PHF2: variants seen among roughly 807,000 people sequenced by gnomAD.
PHF2 encodes the protein PHD finger protein 2, also known as lysine-specific demethylase PHF2.
PHF2 carries 27 observed loss-of-function variants against 120.5 expected under a neutral mutation model. The observed-to-expected ratio is 0.22, with a 90% CI of 0.17 to 0.31. PHF2 has a LOEUF of 0.31. Ranked by LOEUF, PHF2 falls within the 10% of genes least tolerant of loss-of-function variation. The probability of loss-of-function intolerance (pLI) is 1.00; values close to 1 mark genes in which losing one functional copy is unlikely to be tolerated. For missense variants in PHF2, 1,024 were observed against 1,434.8 expected, an observed-to-expected ratio of 0.71 and a Z score of 4.63; for synonymous variants, 568 against 592.5, an observed-to-expected ratio of 0.96 and a Z score of 0.60.
intron 1 of PHF2, among the ~76,000 whole-genome samples, chr9:93,597,780 G>T (rs1158683913): frequency 1.3e-5 from 2 of 152,298 alleles, no homozygotes; most frequent in Middle Eastern, 3.4e-3. Flanking sequence ...ACATTTGTGG[G>T]TTCTTCCAGC....
At chr9:93,633,362 T>TC (rs1826032213) in intron 2 of PHF2, among the ~76,000 whole-genome samples, 1 of 152,186 alleles carries the variant, frequency 6.6e-6, no homozygotes, top group Non-Finnish European at 1.5e-5. Context: ...CGGGAAGGCA[T>TC]CCCCATCTGA....
intron 20 of PHF2, 46 bp from the exon 21 acceptor site, chr9:93,676,548 C>T (rs1291817723): frequency 1.9e-6 from 3 of 1,552,550 alleles, no homozygotes; most frequent in East Asian, 2.3e-5. Flanking sequence ...TCTGTTGGCC[C>T]AAGTGGGCTG....
chr9:93,650,928 A>T (rs1197123455), intron 5 of PHF2, among the ~76,000 whole-genome samples: 1 of 152,148 alleles, frequency 6.6e-6, no homozygotes, highest in South Asian at 2.1e-4. Context: ...AAACCAAGAA[A>T]GAGAATACAA....
intron 1 of PHF2, among the ~76,000 whole-genome samples, chr9:93,585,899 GC>G (rs1472133711): frequency 6.6e-6 from 1 of 152,212 alleles, no homozygotes; most frequent in Non-Finnish European, 1.5e-5. Flanking sequence ...TGGTGGGAAG[GC>G]AGCGTCAAGT....
chr9:93,576,777 G>A lies in PHF2; in HGVS notation c.4G>A (p.Ala2Thr). ...AGCGGCGGCGCGGCGCGGCAACATGGCGACGGTGCCCGTGTACTGCGTCTG... is the reference window on the plus strand; with the variant it reads ...AGCGGCGGCGCGGCGCGGCAACATGACGACGGTGCCCGTGTACTGCGTCTG... M[A>T]TVPVYCVCRL... Residue 2 changes from alanine (A) to threonine (T), a missense_variant, in exon 1 of 22, where the codon GCG becomes ACG. By Grantham distance (58) the Ala-to-Thr change is moderately conservative. This residue lies in a region of PHF2 where 347 missense variants were observed against 577.4 expected (regional missense o/e 0.60). Coordinates refer to ENST00000359246, the MANE Select transcript of PHF2 (RefSeq NM_005392.4). 1 of 1,254,476 alleles carries A rather than the reference G, an allele frequency of 8.0e-7. No individual in the cohort carries two copies. The highest frequency in any genetic ancestry group is 1.3e-5 in the South Asian group (1 of 77,088). 77.7% of individuals were successfully genotyped at this position (1,254,476 alleles called of 1,614,324 possible). A position where few individuals can be genotyped will look rare whatever the true frequency, so the allele number is the denominator to read the frequency against.
chr9:93,640,388 C>T (rs1322314441), intron 3 of PHF2, among the ~76,000 whole-genome samples: 2 of 152,152 alleles, frequency 1.3e-5, no homozygotes, highest in Admixed American at 1.3e-4. Flanking sequence ...CCCCCACCCA[C>T]ATGCTTCTTT....
chr9:93,593,089 A>C (rs1489418870), intron 1 of PHF2, among the ~76,000 whole-genome samples: 1 of 42,442 alleles, frequency 2.4e-5, no homozygotes, highest in African/African-American at 5.5e-5. Context: ...TATGCCAAAA[A>C]AAAAAAAAAA....
intron 1 of PHF2, among the ~76,000 whole-genome samples, chr9:93,588,892 A>G (rs932271815): frequency 7.9e-5 from 12 of 152,200 alleles, no homozygotes; most frequent in African/African-American, 2.9e-4. Flanking sequence ...CTCTGTCTCA[A>G]AAACAAACAA....
chr9:93,663,114 A>T (rs1252141742), intron 13 of PHF2, 88 bp downstream of exon 13: 3 of 1,551,308 alleles, frequency 1.9e-6, no homozygotes, highest in African/African-American at 1.4e-5. Flanking sequence ...TGTGTGTGTG[A>T]AGGAATGTGC....
intron 1 of PHF2, among the ~76,000 whole-genome samples, chr9:93,601,193 C>T (rs773109992): frequency 6.6e-6 from 1 of 152,210 alleles, no homozygotes; most frequent in African/African-American, 2.4e-5. Flanking sequence ...TTTGCATTCC[C>T]ATCTACTGAA....
chr9:93,672,644 G>T (rs1826827233), intron 17 of PHF2: 1 of 984,572 alleles, frequency 1.0e-6, no homozygotes, highest in Non-Finnish European at 1.2e-6. Context: ...AGGTGCGGGG[G>T]TGGAGGTAGG....
At chr9:93,593,032 T>C (rs551124588) in intron 1 of PHF2, among the ~76,000 whole-genome samples, 1 of 144,024 alleles carries the variant, frequency 6.9e-6, no homozygotes, top group East Asian at 2.0e-4. Flanking sequence ...CAAGCTGCTT[T>C]TGCCCATCCA....
rs377099174 is a variant in PHF2, at chr9:93,658,766, C to CA, written c.1239+531dup. On this transcript the variant is annotated intron_variant, in intron 10 of 21. Coordinates refer to ENST00000359246, the MANE Select transcript of PHF2 (RefSeq NM_005392.4). ...AAGCTAAGCTGCCTGATTGCAGGTG[C>CA]AGCACCCCAGCCACCTTGCTCTGTG... 4.0e-3 allele frequency among the ~76,000 whole-genome samples: 614 copies of CA among 152,260 alleles called. 6 individuals carry two copies. Among genetic ancestry groups the CA allele is most frequent in the African/African-American group, 0.014 (575 of 41,556 alleles).
Position 93,675,028 on chromosome 9 carries a change from G to A in PHF2, c.2722+6G>A, listed in dbSNP as rs768699788. The A allele has an allele frequency of 6.2e-7, 1 of 1,610,438 alleles. No individual in the cohort carries two copies. The highest frequency in any genetic ancestry group is 8.5e-7 in the Non-Finnish European group (1 of 1,177,340). ...CGCTCCCTACAGCCCAACAGGTAGT[G>A]CTGGGACAGGGGTAGGGGGTCCACC... On this transcript the variant is annotated splice_donor_region_variant and intron_variant, in intron 19 of 21. Transcript: ENST00000359246.
Position 93,659,463 on chromosome 9 carries a change from G to T in PHF2, c.1240-48G>T. ...CTGCAAGAATGCAGGGGTAAGTCAG[G>T]ACCACGGGAGGTGTCTGGTGCTGAC... On this transcript the variant is annotated intron_variant, in intron 10 of 21. Coordinates refer to ENST00000359246, the MANE Select transcript of PHF2 (RefSeq NM_005392.4). 3 of 1,502,834 alleles carry T rather than the reference G, an allele frequency of 2.0e-6. No homozygotes were observed. The South Asian group carries it at 3.4e-5, about 17-fold the overall frequency. The allele number at this position is 1,502,834 out of a possible 1,614,324, so 93.1% of individuals were successfully genotyped here.
At chr9:93,673,193 G>T (rs1029625201) in intron 17 of PHF2, among the ~76,000 whole-genome samples, 14 of 151,906 alleles carry the variant, frequency 9.2e-5, no homozygotes, top group African/African-American at 3.4e-4. Context: ...GGACCGAGGG[G>T]GTACACAGAG....
chr9:93,617,298 G>A (rs989679022), intron 1 of PHF2, among the ~76,000 whole-genome samples: 5 of 152,208 alleles, frequency 3.3e-5, no homozygotes, highest in African/African-American at 1.2e-4. Flanking sequence ...CATGCTTGGG[G>A]TCAGAATTCC....
intron 3 of PHF2, among the ~76,000 whole-genome samples, chr9:93,642,649 T>C (rs1465787808): frequency 6.6e-6 from 1 of 152,252 alleles, no homozygotes; most frequent in East Asian, 1.9e-4. Flanking sequence ...TTTGATGTAC[T>C]CAGTACATGA....
intron 4 of PHF2, among the ~76,000 whole-genome samples, chr9:93,647,144 A>G (rs1826275470): frequency 6.6e-6 from 1 of 152,230 alleles, no homozygotes; most frequent in African/African-American, 2.4e-5. Flanking sequence ...CATGCTTGCC[A>G]GGCCAGTGCT....
Sources: gnomAD v4.1 joint callset for allele counts (sites outside exome capture counted in the v4.1 genomes callset) on GRCh38, gnomAD v4.1.1 for gene constraint, gnomAD v4.1.1 regional missense constraint, MANE v1.5 for transcripts, NCBI Gene and HGNC (gene_info 2026-07-23, HGNC 2026-07-21) for gene names.